Variants in RABGAP1L observed in about 807,000 individuals in gnomAD.
The protein encoded by RABGAP1L is rab GTPase-activating protein 1-like.
RABGAP1L carries 63 observed loss-of-function variants against 137.7 expected under a neutral mutation model. That is an observed-to-expected ratio of 0.46 (90% CI 0.37 to 0.56). The LOEUF (loss-of-function observed/expected upper bound fraction) is 0.56, where lower values mean the gene tolerates loss of function less well. RABGAP1L is among the 20% of genes least tolerant of loss of function. The pLI is 0.00. For synonymous variants in RABGAP1L, 431 were observed against 433.7 expected, an observed-to-expected ratio of 0.99 and a Z score of 0.08; for missense variants, 1,095 against 1,244.0, an observed-to-expected ratio of 0.88 and a Z score of 1.80.
intron 24 of RABGAP1L, among the ~76,000 whole-genome samples, chr1:174,987,390 C>T (rs762998231): frequency 2.6e-5 from 4 of 152,166 alleles, no homozygotes; most frequent in Non-Finnish European, 5.9e-5. Context: ...TGGTCTCGCT[C>T]TCTTGACCTC....
At chr1:174,384,518 GA>G (rs1686570719) in intron 12 of RABGAP1L, among the ~76,000 whole-genome samples, 6 of 21,894 alleles carry the variant, frequency 2.7e-4, no homozygotes. Context: ...CAAAAAAAAG[GA>G]AAAAAAGGAA....
intron 21 of RABGAP1L, among the ~76,000 whole-genome samples, chr1:174,972,432 T>A (rs74572300): frequency 1.3e-5 from 2 of 152,384 alleles, no homozygotes; most frequent in Non-Finnish European, 2.9e-5. Flanking sequence ...ATTGCAATGC[T>A]TGTTTCTCTC....
At chr1:174,246,693 A>T (rs1243172045) in intron 5 of RABGAP1L, among the ~76,000 whole-genome samples, 1 of 152,210 alleles carries the variant, frequency 6.6e-6, no homozygotes, top group African/African-American at 2.4e-5. Flanking sequence ...AATATTACAC[A>T]GTTTTATATA....
intron 13 of RABGAP1L, among the ~76,000 whole-genome samples, chr1:174,574,952 CAG>C (rs1175234268): frequency 2.0e-5 from 3 of 152,292 alleles, no homozygotes; most frequent in African/African-American, 7.2e-5. Context: ...GTTTTTGAGA[CAG>C]AGTCTCACTC....
chr1:174,952,356 A>AAAAG (rs1558274489), intron 19 of RABGAP1L, among the ~76,000 whole-genome samples: 2 of 148,864 alleles, frequency 1.3e-5, no homozygotes, highest in African/African-American at 2.5e-5. Context: ...AAAAAAAAAA[A>AAAAG]AAAAAAAAGC....
chr1:174,401,281 T>C (rs1047302185), intron 13 of RABGAP1L, among the ~76,000 whole-genome samples: 1 of 152,166 alleles, frequency 6.6e-6, no homozygotes, highest in African/African-American at 2.4e-5. Context: ...GCAAGCTCCT[T>C]AACTATCTTC....
At chr1:174,531,355 A>G (rs190065134) in intron 13 of RABGAP1L, among the ~76,000 whole-genome samples, 46 of 152,310 alleles carry the variant, frequency 3.0e-4, no homozygotes, top group African/African-American at 9.6e-4. Flanking sequence ...TTATAAACAC[A>G]ATTGAAATAA....
intron 11 of RABGAP1L, among the ~76,000 whole-genome samples, chr1:174,349,611 T>G (rs1167010626): frequency 3.3e-5 from 3 of 91,132 alleles, no homozygotes; most frequent in African/African-American, 8.9e-5. Context: ...CCCTCCCGGA[T>G]GGGGCGGCTG....
At chr1:174,434,018 A>G (rs959412232) in intron 13 of RABGAP1L, among the ~76,000 whole-genome samples, 2 of 152,034 alleles carry the variant, frequency 1.3e-5, no homozygotes, top group Admixed American at 1.3e-4. Context: ...ATCAAGATAC[A>G]GAATGTTTCC....
intron 20 of RABGAP1L, among the ~76,000 whole-genome samples, chr1:174,963,456 AATATGC>A (rs1395933981): frequency 3.3e-5 from 5 of 152,146 alleles, no homozygotes; most frequent in African/African-American, 7.2e-5. Context: ...TTGGGGGAAG[AATATGC>A]TTTAGGAACA....
At chr1:174,478,908 A>G (rs1357170861) in intron 13 of RABGAP1L, among the ~76,000 whole-genome samples, 1 of 152,182 alleles carries the variant, frequency 6.6e-6, no homozygotes, top group Non-Finnish European at 1.5e-5. Flanking sequence ...TAAGTTTCCA[A>G]AAGATATTTG....
chr1:174,349,094 C>T lies in RABGAP1L; in HGVS notation c.1466-21885C>T, dbSNP rs527295014. Among the ~76,000 whole-genome samples the T allele has an allele frequency of 3.5e-3, 479 of 135,996 alleles. 3 individuals are homozygous for T. Among genetic ancestry groups the T allele is most frequent in the African/African-American group, 0.013 (439 of 35,116 alleles). The allele number at this position is 135,996 out of a possible 152,430, so 89.2% of individuals were successfully genotyped here. A position where few individuals can be genotyped will look rare whatever the true frequency, so the allele number is the denominator to read the frequency against. On this transcript the variant is annotated intron_variant, in intron 11 of 25. Coordinates refer to ENST00000681986, the MANE Select transcript of RABGAP1L (RefSeq NM_001366446.1). Reference sequence around the variant, plus strand: ...CTCCCTCCAAGACGGGGCGGCTGGCCGGGCGGGGGGCTGACACCCCCACCT... The same window carrying T: ...CTCCCTCCAAGACGGGGCGGCTGGCTGGGCGGGGGGCTGACACCCCCACCT...
chr1:174,203,821 T>C (rs1050363916), intron 1 of RABGAP1L, among the ~76,000 whole-genome samples: 11 of 152,194 alleles, frequency 7.2e-5, no homozygotes, highest in African/African-American at 2.7e-4. Context: ...CGTGGTTGGC[T>C]GTATTCCCAG....
intron 3 of RABGAP1L, among the ~76,000 whole-genome samples, chr1:174,221,845 T>A (rs1347491343): frequency 6.6e-6 from 1 of 152,188 alleles, no homozygotes. Flanking sequence ...GTGACCTGTT[T>A]GTGCCTGGTG....
At chr1:174,261,916 A>C (rs1201664746) in intron 7 of RABGAP1L, among the ~76,000 whole-genome samples, 2 of 152,188 alleles carry the variant, frequency 1.3e-5, no homozygotes, top group African/African-American at 4.8e-5. Flanking sequence ...AGAGGATATC[A>C]TTCCTCCCTT....
intron 18 of RABGAP1L, among the ~76,000 whole-genome samples, chr1:174,772,260 TGTA>T (rs1686173225): frequency 6.6e-6 from 1 of 151,958 alleles, no homozygotes; most frequent in Non-Finnish European, 1.5e-5. Flanking sequence ...TTTTGTTTAT[TGTA>T]GTATAATATA....
chr1:174,857,585 A>G (rs867384078), intron 19 of RABGAP1L, among the ~76,000 whole-genome samples: 6 of 152,302 alleles, frequency 3.9e-5, no homozygotes, highest in Middle Eastern at 3.4e-3. Context: ...ATTGGAATAC[A>G]TAAGAATCTG....
At chr1:174,748,886 A>G (rs1331121503) in intron 17 of RABGAP1L, among the ~76,000 whole-genome samples, 1 of 151,702 alleles carries the variant, frequency 6.6e-6, no homozygotes, top group African/African-American at 2.4e-5. Context: ...AAAAAAAAAA[A>G]AGACATCAGT....
At chr1:174,266,752 A>G (rs1257969786) in intron 7 of RABGAP1L, among the ~76,000 whole-genome samples, 1 of 152,196 alleles carries the variant, frequency 6.6e-6, no homozygotes, top group Non-Finnish European at 1.5e-5. Flanking sequence ...GTCTCTGGTA[A>G]TAAATCCATT....
Sources: allele counts gnomAD v4.1 joint callset (sites outside exome capture counted in the v4.1 genomes callset), GRCh38; gene constraint gnomAD v4.1.1; transcripts MANE v1.5; gene names NCBI Gene and HGNC (gene_info 2026-07-23, HGNC 2026-07-21).